CAP2: variants seen among roughly 807,000 people sequenced by gnomAD.
CAP2 encodes adenylyl cyclase-associated protein 2.
Under a neutral mutation model 57.7 loss-of-function variants are expected in CAP2, and 24 were observed. That is an observed-to-expected ratio of 0.42 (90% CI 0.30 to 0.58). The LOEUF (loss-of-function observed/expected upper bound fraction) is 0.58. Ranked by LOEUF, CAP2 falls within the 20% of genes least tolerant of loss-of-function variation. The pLI, the probability that CAP2 is intolerant of heterozygous loss-of-function variation, is 0.22. For synonymous variants in CAP2, 194 were observed against 207.2 expected (o/e 0.94, Z 0.55); for missense variants, 501 against 590.3 (o/e 0.85, Z 1.57).
chr6:17,409,169 C>T (rs943262538), intron 1 of CAP2, among the ~76,000 whole-genome samples: 10 of 150,856 alleles, frequency 6.6e-5, no homozygotes, highest in Non-Finnish European at 1.3e-4. Flanking sequence ...GTCAGGCATT[C>T]GAGACCAGCC....
At chr6:17,554,377 C>T (rs1168119253) in intron 12 of CAP2, among the ~76,000 whole-genome samples, 1 of 152,196 alleles carries the variant, frequency 6.6e-6, no homozygotes, top group African/African-American at 2.4e-5. Flanking sequence ...TGCAACTCTG[C>T]CAAAAGAGAT....
At chr6:17,518,343 G>A (rs1387342290) in intron 7 of CAP2, among the ~76,000 whole-genome samples, 1 of 152,104 alleles carries the variant, frequency 6.6e-6, no homozygotes, top group East Asian at 1.9e-4. Flanking sequence ...CATAAATCAA[G>A]CTAATTTCTC....
At chr6:17,516,017 CA>C (rs1455389106) in intron 7 of CAP2, among the ~76,000 whole-genome samples, 1 of 152,184 alleles carries the variant, frequency 6.6e-6, no homozygotes, top group African/African-American at 2.4e-5. Context: ...ACCTTTATTG[CA>C]ATGTCCTGAA....
At position 17,502,741 on chromosome 6, in the gene CAP2, T is replaced by G. The variant is rs1308540126; in HGVS notation, c.301-4428T>G. On this transcript the variant is annotated intron_variant, in intron 4 of 12. Transcript: ENST00000229922. The stretch of plus-strand genomic sequence containing the variant: ...TACAGTTTCTGGTTCTTTTTCCCCT[T>G]GGGGCAGTGGGCCAGGTATCATCAA... Among the ~76,000 whole-genome samples the G allele has an allele frequency of 3.9e-5, 6 of 152,222 alleles. 1 individual carries two copies. In the South Asian group the frequency reaches 1.0e-3, roughly 26 times the overall value.
At chr6:17,480,941 G>A (rs537573918) in intron 4 of CAP2, among the ~76,000 whole-genome samples, 2 of 144,018 alleles carry the variant, frequency 1.4e-5, no homozygotes, top group Admixed American at 1.4e-4. Flanking sequence ...ACCACACCTG[G>A]CTAATTTTGT....
intron 3 of CAP2, among the ~76,000 whole-genome samples, chr6:17,459,142 A>C (rs1479383600): frequency 6.6e-6 from 1 of 152,220 alleles, no homozygotes; most frequent in Admixed American, 6.5e-5. Flanking sequence ...GTTTTGAATC[A>C]GAGAAATGAT....
intron 3 of CAP2, among the ~76,000 whole-genome samples, chr6:17,445,985 G>A (rs943312518): frequency 6.6e-6 from 1 of 152,188 alleles, no homozygotes; most frequent in Non-Finnish European, 1.5e-5. Flanking sequence ...CAGAGGAATT[G>A]TCTGCTAAAT....
intron 7 of CAP2, among the ~76,000 whole-genome samples, chr6:17,522,499 G>A (rs558671363): frequency 1.3e-5 from 2 of 152,176 alleles, no homozygotes; most frequent in Non-Finnish European, 2.9e-5. Context: ...CTCCTTCCTG[G>A]GTGGGCACGA....
In CAP2 at chr6:17,484,904, T is replaced by G. The variant is rs150389547; in HGVS notation, c.300+21831T>G. ...TTGCTTCTCTGGCCACAAATTGTTC[T>G]TTACCAAAGATGATTTTATTTCACT... On this transcript the variant is annotated intron_variant, in intron 4 of 12. Transcript: ENST00000229922. 3.2e-3 allele frequency among the ~76,000 whole-genome samples: 484 copies of G among 152,328 alleles called. 5 individuals are homozygous for G. Among genetic ancestry groups the G allele is most frequent in the African/African-American group, 0.011 (441 of 41,560 alleles).
At chr6:17,471,659 G>A (rs111377301) in intron 4 of CAP2, among the ~76,000 whole-genome samples, 5,639 of 151,834 alleles carry the variant, frequency 0.037, 349 homozygotes, top group African/African-American at 0.13. Flanking sequence ...AGTGAAACCC[G>A]TCTCTACTAA....
intron 4 of CAP2, among the ~76,000 whole-genome samples, chr6:17,476,776 G>C (rs139041985): frequency 4.6e-5 from 7 of 152,088 alleles, no homozygotes; most frequent in African/African-American, 1.7e-4. Context: ...AATGAGGGAG[G>C]GAGTTGTGAG....
At chr6:17,537,497 A>G (rs937060212) in intron 7 of CAP2, among the ~76,000 whole-genome samples, 5 of 148,022 alleles carry the variant, frequency 3.4e-5, no homozygotes, top group African/African-American at 1.2e-4. Context: ...TGCCCGAGCC[A>G]GCATGTTTTG....
At chr6:17,502,328 A>T (rs1270759190) in intron 4 of CAP2, among the ~76,000 whole-genome samples, 7 of 152,188 alleles carry the variant, frequency 4.6e-5, no homozygotes, top group Non-Finnish European at 8.8e-5. Flanking sequence ...TCCAGCTTTG[A>T]TGGAAGTCAC....
At chr6:17,430,309 G>A (rs1294593030) in intron 3 of CAP2, among the ~76,000 whole-genome samples, 1 of 152,140 alleles carries the variant, frequency 6.6e-6, no homozygotes, top group Non-Finnish European at 1.5e-5. Flanking sequence ...CTAAACCAAA[G>A]GGCTTATTTA....
chr6:17,450,836 T>C (rs1760381719), intron 3 of CAP2, among the ~76,000 whole-genome samples: 1 of 152,218 alleles, frequency 6.6e-6, no homozygotes, highest in Non-Finnish European at 1.5e-5. Flanking sequence ...AATGCTAATT[T>C]TTAACAATTA....
intron 4 of CAP2, among the ~76,000 whole-genome samples, chr6:17,497,744 T>G (rs1561805335): frequency 6.6e-6 from 1 of 152,212 alleles, no homozygotes; most frequent in South Asian, 2.1e-4. Context: ...TGCACACTGA[T>G]GCATGAATGG....
At chr6:17,455,284 A>AAAGG (rs1491434520) in intron 3 of CAP2, among the ~76,000 whole-genome samples, 1 of 31,992 alleles carries the variant, frequency 3.1e-5, no homozygotes, top group Non-Finnish European at 6.9e-5. Context: ...ACTGGTAAGG[A>AAAGG]AAAAAAAAAA....
chr6:17,467,765 C>T (rs1049087752), intron 4 of CAP2, among the ~76,000 whole-genome samples: 15 of 152,102 alleles, frequency 9.9e-5, no homozygotes, highest in Non-Finnish European at 1.8e-4. Context: ...ACTCGTGATC[C>T]GCCCGCCTCG....
At chr6:17,495,607 A>G (rs1761644119) in intron 4 of CAP2, among the ~76,000 whole-genome samples, 1 of 152,156 alleles carries the variant, frequency 6.6e-6, no homozygotes, top group African/African-American at 2.4e-5. Flanking sequence ...CATGGGATTT[A>G]TGGCATATGG....
Sources: allele counts gnomAD v4.1 joint callset (sites outside exome capture counted in the v4.1 genomes callset), GRCh38; gene constraint gnomAD v4.1.1; transcripts MANE v1.5; gene names NCBI Gene and HGNC (gene_info 2026-07-23, HGNC 2026-07-21).